Variants in POT1 observed in about 807,000 individuals in gnomAD.
The protein encoded by POT1 is protection of telomeres 1, also known as protection of telomeres protein 1.
A neutral mutation model predicts 78.5 loss-of-function variants in POT1; 47 were observed. That is an observed-to-expected ratio of 0.60 (90% CI 0.47 to 0.76). The LOEUF (loss-of-function observed/expected upper bound fraction) is 0.76, where lower values mean the gene tolerates loss of function less well. POT1 is among the 30% of genes least tolerant of loss of function. The pLI is 0.00. For synonymous variants in POT1, 259 were observed against 260.7 expected, an observed-to-expected ratio of 0.99 and a Z score of 0.06; for missense variants, 646 against 749.9, an observed-to-expected ratio of 0.86 and a Z score of 1.62.
rs1461765375 is a variant in POT1, at chr7:124,842,892, ATTG to A, written c.1075_1077del (p.Gln359del). 1.2e-6 allele frequency: 2 copies of A among 1,610,048 alleles called. No individual in the cohort carries two copies. The highest frequency in any genetic ancestry group is 1.7e-6 in the Non-Finnish European group (2 of 1,178,384). On this transcript the variant is annotated inframe_deletion, in exon 13 of 19. Coordinates refer to ENST00000357628, the MANE Select transcript of POT1 (RefSeq NM_015450.3). Reference sequence around the variant, plus strand: ...GACCTCAATTTTGCTCGGATGCGGTATTGTTGAGGAGCTTTTTGTTTCAAAATG... The same window carrying A: ...GACCTCAATTTTGCTCGGATGCGGTATTGAGGAGCTTTTTGTTTCAAAATG...
At chr7:124,844,541 C>T (rs1410688836) in intron 12 of POT1, among the ~76,000 whole-genome samples, 1 of 150,126 alleles carries the variant, frequency 6.7e-6, no homozygotes, top group Admixed American at 6.6e-5. Context: ...GCGAGACCAT[C>T]CTGGCTAACA....
intron 6 of POT1, among the ~76,000 whole-genome samples, chr7:124,875,811 T>C (rs975404232): frequency 2.6e-5 from 4 of 152,192 alleles, no homozygotes; most frequent in Non-Finnish European, 4.4e-5. Flanking sequence ...ACAAAAATGA[T>C]TTCACCATAC....
intron 11 of POT1, among the ~76,000 whole-genome samples, chr7:124,851,099 G>C (rs1795296124): frequency 6.6e-6 from 1 of 151,938 alleles, no homozygotes; most frequent in Admixed American, 6.6e-5. Context: ...CATATAGTGA[G>C]ATCCTGTTTC....
intron 11 of POT1, among the ~76,000 whole-genome samples, 161 bp from the exon 12 acceptor site, chr7:124,847,159 C>G (rs1043678613): frequency 1.3e-5 from 2 of 152,218 alleles, no homozygotes; most frequent in African/African-American, 2.4e-5. Flanking sequence ...GATATCAATT[C>G]TCTCCAAATT....
intron 3 of POT1, among the ~76,000 whole-genome samples, chr7:124,908,663 T>G (rs1300282096): frequency 6.6e-6 from 1 of 151,956 alleles, no homozygotes; most frequent in Admixed American, 6.6e-5. Context: ...AATTGTTTAA[T>G]TCTTCTCCAG....
intron 3 of POT1, among the ~76,000 whole-genome samples, chr7:124,899,701 AG>A (rs546543006): frequency 2.9e-3 from 440 of 151,880 alleles, no homozygotes; most frequent in Non-Finnish European, 4.7e-3. Context: ...AAACAGAAGT[AG>A]GGAAGCCAAC....
At chr7:124,851,781 G>C (rs974830770) in intron 11 of POT1, 91 bp downstream of exon 11, 182 of 917,346 alleles carry the variant, frequency 2.0e-4, no homozygotes, top group Admixed American at 3.2e-4. Context: ...ATTAATAAGA[G>C]AGACAAAGAG....
Position 124,871,213 on chromosome 7 carries a change from T to C in POT1, c.125-172A>G, listed in dbSNP as rs570575964. ...TTTCAATACACACTGCAAAATTATT[T>C]TGCAGAAGTGTTCTATAAATACTAA... On this transcript the variant is annotated intron_variant, in intron 6 of 18. Transcript: ENST00000357628. 2.6e-4 allele frequency among the ~76,000 whole-genome samples: 39 copies of C among 152,248 alleles called. No individual in the cohort carries two copies. The highest frequency in any genetic ancestry group is 8.7e-4 in the African/African-American group (36 of 41,584).
intron 11 of POT1, among the ~76,000 whole-genome samples, chr7:124,850,898 T>C (rs1472950990): frequency 3.0e-5 from 4 of 133,300 alleles, no homozygotes; most frequent in Non-Finnish European, 6.5e-5. Context: ...AGGGTAGGAG[T>C]TAGGTAGAAA....
intron 2 of POT1, among the ~76,000 whole-genome samples, chr7:124,917,098 G>A (rs144777638): frequency 1.4e-3 from 217 of 152,192 alleles, no homozygotes; most frequent in Non-Finnish European, 2.5e-3. Context: ...GTAAGGCCCA[G>A]ACCTATACAG....
chr7:124,924,173 A>G (rs1432955750), intron 2 of POT1, among the ~76,000 whole-genome samples: 1 of 148,766 alleles, frequency 6.7e-6, no homozygotes, highest in Non-Finnish European at 1.5e-5. Context: ...AAAAAAACCC[A>G]AAGGATCAAT....
Position 124,843,083 on chromosome 7 carries a change from A to G in POT1, c.1007-120T>C, listed in dbSNP as rs200354659. On this transcript the variant is annotated intron_variant, in intron 12 of 18. Transcript: ENST00000357628. ...TTTAAGCTCTATTAAGTGTCACTCC[A>G]TGAAAGGAAGGGTTATGTCTTTATT... 6 of 723,668 alleles carry G rather than the reference A, an allele frequency of 8.3e-6. No homozygotes were observed. The African/African-American group carries it at 1.1e-4, about 13-fold the overall frequency. The allele number at this position is 723,668 out of a possible 1,614,324, so 44.8% of individuals were successfully genotyped here.
chr7:124,853,800 C>A (rs574305624), intron 9 of POT1, among the ~76,000 whole-genome samples: 2 of 152,126 alleles, frequency 1.3e-5, no homozygotes, highest in South Asian at 4.1e-4. Flanking sequence ...ACTTAGTCTA[C>A]AAATGTCTTT....
intron 15 of POT1, among the ~76,000 whole-genome samples, chr7:124,831,746 T>C (rs1186376826): frequency 6.6e-6 from 1 of 152,058 alleles, no homozygotes; most frequent in Non-Finnish European, 1.5e-5. Context: ...GTGGTAAATC[T>C]TGAAAATTTT....
At chr7:124,854,704 G>A (rs1795400732) in intron 9 of POT1, among the ~76,000 whole-genome samples, 2 of 151,512 alleles carry the variant, frequency 1.3e-5, no homozygotes, top group Non-Finnish European at 3.0e-5. Flanking sequence ...CCAGGGAGTA[G>A]TATAAAGAAA....
At chr7:124,851,160 T>A (rs1446733565) in intron 11 of POT1, among the ~76,000 whole-genome samples, 1 of 151,898 alleles carries the variant, frequency 6.6e-6, no homozygotes, top group Non-Finnish European at 1.5e-5. Context: ...GCCAGGCATG[T>A]TGGCATGTGC....
At chr7:124,916,971 C>CAA (rs143688207) in intron 2 of POT1, among the ~76,000 whole-genome samples, 6 of 147,994 alleles carry the variant, frequency 4.1e-5, no homozygotes, top group African/African-American at 1.5e-4. Flanking sequence ...GGGAGAAGGG[C>CAA]AAAAAAAAAC....
intron 3 of POT1, among the ~76,000 whole-genome samples, chr7:124,905,735 C>T (rs1336397898): frequency 1.3e-5 from 2 of 151,626 alleles, no homozygotes; most frequent in African/African-American, 2.4e-5. Context: ...GCAATCTACT[C>T]ATCTGACAAA....
At chr7:124,926,776 A>G (rs1797284778) in intron 2 of POT1, among the ~76,000 whole-genome samples, 2 of 152,242 alleles carry the variant, frequency 1.3e-5, no homozygotes. Flanking sequence ...CTTTTGCAGC[A>G]ACATGGATAG....
Sources: gnomAD v4.1 joint callset for allele counts (sites outside exome capture counted in the v4.1 genomes callset) on GRCh38, gnomAD v4.1.1 for gene constraint, MANE v1.5 for transcripts, NCBI Gene and HGNC (gene_info 2026-07-23, HGNC 2026-07-21) for gene names.